The following PPP2R2C variants were observed in gnomAD, a reference collection of about 807,000 sequenced individuals.
The protein encoded by PPP2R2C is protein phosphatase 2 regulatory subunit Bgamma.
In PPP2R2C, 10 loss-of-function variants were observed where a neutral mutation model predicts 45.3. The ratio of observed to expected loss-of-function variants is 0.22; its 90% CI spans 0.14 to 0.37. The LOEUF (loss-of-function observed/expected upper bound fraction) is 0.37, where lower values mean the gene tolerates loss of function less well. PPP2R2C is among the 10% of genes least tolerant of loss of function. The pLI is 1.00. For missense variants in PPP2R2C, 308 were observed against 619.7 expected, an observed-to-expected ratio of 0.50 and a Z score of 5.34; for synonymous variants, 257 against 245.4, an observed-to-expected ratio of 1.05 and a Z score of -0.44.
At chr4:6,347,789 T>TCCCCCCCCCCC in intron 6 of PPP2R2C, 57 bp downstream of exon 6, 1 of 1,033,616 alleles carries the variant, frequency 9.7e-7, no homozygotes. Flanking sequence ...GGACAGGACA[T>TCCCCCCCCCCC]CCCACCCGCC....
intron 6 of PPP2R2C, among the ~76,000 whole-genome samples, chr4:6,342,849 T>C (rs1293624309): frequency 6.6e-6 from 1 of 151,846 alleles, no homozygotes; most frequent in Non-Finnish European, 1.5e-5. Flanking sequence ...AGAGGAGGGG[T>C]CCAGGGAAGT....
rs560345783 is a variant in PPP2R2C, at chr4:6,356,271, C to T, written c.626-8261G>A. On this transcript the variant is annotated intron_variant, in intron 5 of 8. Coordinates refer to ENST00000382599, the MANE Select transcript of PPP2R2C (RefSeq NM_020416.4). Reference sequence around the variant, plus strand: ...ACCTGTCGCAGCTAACACGTGCGGCCGGCTGGCTGGGTGGGACTAGCTTCG... The same window carrying T: ...ACCTGTCGCAGCTAACACGTGCGGCTGGCTGGCTGGGTGGGACTAGCTTCG... Among the ~76,000 whole-genome samples, 4 of 152,332 alleles carry T rather than the reference C, an allele frequency of 2.6e-5. No homozygotes were observed. In the East Asian group the frequency reaches 7.7e-4, roughly 29 times the overall value.
intron 1 of PPP2R2C, among the ~76,000 whole-genome samples, chr4:6,388,205 G>T (rs1272571356): frequency 6.6e-6 from 1 of 152,182 alleles, no homozygotes; most frequent in Non-Finnish European, 1.5e-5. Flanking sequence ...GAGGCACACA[G>T]GAGCCACTGA....
chr4:6,405,218 G>T (rs1717715311), intron 1 of PPP2R2C, among the ~76,000 whole-genome samples: 1 of 152,166 alleles, frequency 6.6e-6, no homozygotes, highest in Non-Finnish European at 1.5e-5. Context: ...AGGAAGCCAA[G>T]CGAGCGGGTT....
intron 1 of PPP2R2C, among the ~76,000 whole-genome samples, chr4:6,402,694 G>A (rs1560518757): frequency 6.6e-6 from 1 of 152,252 alleles, no homozygotes; most frequent in African/African-American, 2.4e-5. Context: ...GCGATGGAGG[G>A]AGACATGGGG....
At position 6,392,915 on chromosome 4, in the gene PPP2R2C, C is replaced by T. The variant is rs58837122; in HGVS notation, c.71-11821G>A. Reference sequence around the variant, plus strand: ...AAGCAGACCCTCACTGGGCAGGCAGCGAATGAAAGGAAGCTCTCCATCCCA... The same window carrying T: ...AAGCAGACCCTCACTGGGCAGGCAGTGAATGAAAGGAAGCTCTCCATCCCA... On this transcript the variant is annotated intron_variant, in intron 1 of 8. Transcript: ENST00000382599. 3.3e-5 allele frequency among the ~76,000 whole-genome samples: 5 copies of T among 152,286 alleles called. No individual in the cohort carries two copies. The East Asian group carries it at 7.7e-4, about 24-fold the overall frequency.
intron 1 of PPP2R2C, among the ~76,000 whole-genome samples, chr4:6,544,706 A>G (rs9654056): frequency 0.15 from 22,518 of 152,196 alleles, 2,226 homozygotes; most frequent in African/African-American, 0.28. Context: ...CAGAAAAGGA[A>G]GAAGCATAAG....
chr4:6,350,583 T>G (rs909434668), intron 5 of PPP2R2C: 1 of 985,092 alleles, frequency 1.0e-6, no homozygotes, highest in East Asian at 1.1e-4. Flanking sequence ...TTATAACTCA[T>G]GGGGCGCAGT....
chr4:6,487,494 T>G (rs1459813278), intron 2 of PPP2R2C, among the ~76,000 whole-genome samples: 1 of 152,020 alleles, frequency 6.6e-6, no homozygotes, highest in Admixed American at 6.6e-5. Flanking sequence ...TTTGACTACT[T>G]TTTTTTAATT....
intron 5 of PPP2R2C, 52 bp from the exon 6 acceptor site, chr4:6,348,062 C>T (rs1327684461): frequency 3.1e-6 from 5 of 1,589,644 alleles, no homozygotes; most frequent in South Asian, 1.1e-5. Context: ...CTCAATGCTC[C>T]GCCTTCCCGG....
intron 1 of PPP2R2C, among the ~76,000 whole-genome samples, chr4:6,419,434 GAAAGAAAAGA>G (rs201596450): frequency 1.1e-4 from 16 of 141,116 alleles, no homozygotes; most frequent in Admixed American, 1.0e-3. Context: ...TCTAAAAAAA[GAAAGAAAAGA>G]AAAGAAAAGA....
intron 2 of PPP2R2C, among the ~76,000 whole-genome samples, chr4:6,489,973 T>G (rs927440009): frequency 6.6e-6 from 1 of 152,170 alleles, no homozygotes; most frequent in Non-Finnish European, 1.5e-5. Context: ...TTGGGGAAAT[T>G]TGGAAAACAG....
At position 6,414,076 on chromosome 4, in the gene PPP2R2C, ATGTGTGTGTGTGTGTG is replaced by A. The variant is rs71173440; in HGVS notation, c.71-32998_71-32983del. The stretch of plus-strand genomic sequence containing the variant: ...ACAGTAACATAAGTTTTGCCTGTGT[ATGTGTGTGTGTGTGTG>A]TGTGTGTGTGTGTGTGTGTGTGTGT... On this transcript the variant is annotated intron_variant, in intron 1 of 8. Transcript: ENST00000382599. 5.1e-4 allele frequency: 454 copies of A among 882,388 alleles called. 1 individual carries two copies. The highest frequency in any genetic ancestry group is 3.9e-3 in the South Asian group (156 of 40,346). The allele number at this position is 882,388 out of a possible 1,614,324, so 54.7% of individuals were successfully genotyped here.
intron 1 of PPP2R2C, among the ~76,000 whole-genome samples, chr4:6,542,709 A>AAAAAAAAAAGAG (rs112182178): frequency 7.8e-6 from 1 of 127,836 alleles, no homozygotes; most frequent in Non-Finnish European, 1.6e-5. Context: ...TCTCAAAAAA[A>AAAAAAAAAAGAG]AAAAAGAAAA....
chr4:6,457,835 AAAAAGCACCCTTTCTATGCTTT>A, intron 1 of PPP2R2C, among the ~76,000 whole-genome samples: 1 of 152,368 alleles, frequency 6.6e-6, no homozygotes, highest in Non-Finnish European at 1.5e-5. Context: ...TACGATACCA[AAAAAGCACCCTTTCTATGCTTT>A]GCAGAATTAT....
At chr4:6,526,740 T>TAG (rs1724220893) in intron 2 of PPP2R2C, among the ~76,000 whole-genome samples, 1 of 151,810 alleles carries the variant, frequency 6.6e-6, no homozygotes, top group Admixed American at 6.6e-5. Flanking sequence ...AAGAAAGAGG[T>TAG]AGAGGGGTGA....
intron 1 of PPP2R2C, among the ~76,000 whole-genome samples, chr4:6,557,044 A>C (rs567011395): frequency 3.3e-5 from 5 of 152,168 alleles, no homozygotes; most frequent in Non-Finnish European, 5.9e-5. Flanking sequence ...CTGGGGCTGG[A>C]AAGGAACAAG....
At chr4:6,391,939 A>T (rs2109334076) in intron 1 of PPP2R2C, among the ~76,000 whole-genome samples, 2 of 152,362 alleles carry the variant, frequency 1.3e-5, no homozygotes, top group East Asian at 3.9e-4. Flanking sequence ...TCCGAGACAG[A>T]TACGGGAACA....
intron 2 of PPP2R2C, among the ~76,000 whole-genome samples, chr4:6,519,051 A>G (rs1723927375): frequency 6.6e-6 from 1 of 152,152 alleles, no homozygotes; most frequent in South Asian, 2.1e-4. Context: ...GGTGAATTCT[A>G]ACAAATATTT....
Sources: allele counts gnomAD v4.1 joint callset (sites outside exome capture counted in the v4.1 genomes callset), GRCh38; gene constraint gnomAD v4.1.1; transcripts MANE v1.5; gene names NCBI Gene and HGNC (gene_info 2026-07-23, HGNC 2026-07-21).